Variants in SEMA3C observed in about 807,000 individuals in gnomAD.
SEMA3C encodes semaphorin 3C, also known as semaphorin-3C.
SEMA3C carries 47 observed loss-of-function variants against 89.4 expected under a neutral mutation model. That is an observed-to-expected ratio of 0.53 (90% CI 0.42 to 0.67). SEMA3C has a LOEUF of 0.67. SEMA3C is among the 30% of genes least tolerant of loss of function. The pLI, the probability that SEMA3C is intolerant of heterozygous loss-of-function variation, is 0.00. For missense variants in SEMA3C, 839 were observed against 929.1 expected, an observed-to-expected ratio of 0.90 and a Z score of 1.26; for synonymous variants, 310 against 320.2, an observed-to-expected ratio of 0.97 and a Z score of 0.34.
At chr7:80,870,857 G>A (rs1791040017) in intron 2 of SEMA3C, among the ~76,000 whole-genome samples, 1 of 152,170 alleles carries the variant, frequency 6.6e-6, no homozygotes, top group African/African-American at 2.4e-5. Context: ...CTGGCTAGGA[G>A]GGAGAAAGAA....
chr7:80,803,324 T>C (rs1789253060), intron 8 of SEMA3C, among the ~76,000 whole-genome samples: 1 of 152,174 alleles, frequency 6.6e-6, no homozygotes, highest in Non-Finnish European at 1.5e-5. Context: ...CATTCACAAA[T>C]AGTCTCCAGT....
chr7:80,782,948 T>C (rs914244012), intron 12 of SEMA3C, among the ~76,000 whole-genome samples: 3 of 152,076 alleles, frequency 2.0e-5, no homozygotes, highest in Admixed American at 6.6e-5. Context: ...TGTAAATATA[T>C]ATTTATTTGC....
Position 80,757,428 on chromosome 7 carries a change from G to A in SEMA3C, c.1643+903C>T, listed in dbSNP as rs533134454. On this transcript the variant is annotated intron_variant, in intron 15 of 17. Coordinates refer to ENST00000265361, the MANE Select transcript of SEMA3C (RefSeq NM_006379.5). ...ACCTAGAATTCTACTTGGATAAAAA[G>A]TACCCTGCCTCAGACTGACTTTCTT... Among the ~76,000 whole-genome samples, 12 of 152,240 alleles carry A rather than the reference G, an allele frequency of 7.9e-5. 1 individual carries two copies. In the Middle Eastern group the frequency reaches 0.027, roughly 345 times the overall value.
intron 2 of SEMA3C, among the ~76,000 whole-genome samples, chr7:80,873,309 T>C (rs1791116135): frequency 6.6e-6 from 1 of 152,220 alleles, no homozygotes; most frequent in South Asian, 2.1e-4. Context: ...CATAAACTAG[T>C]GGCCTGTGGT....
chr7:80,752,469 G>C (rs1273267024), intron 15 of SEMA3C, among the ~76,000 whole-genome samples: 2 of 151,906 alleles, frequency 1.3e-5, no homozygotes, highest in East Asian at 1.9e-4. Flanking sequence ...AATTAGCTGG[G>C]CATGGTGGTG....
At chr7:80,830,371 A>G (rs1041874802) in intron 2 of SEMA3C, among the ~76,000 whole-genome samples, 2 of 152,228 alleles carry the variant, frequency 1.3e-5, no homozygotes, top group Non-Finnish European at 2.9e-5. Context: ...GACAAGAGAT[A>G]GTATTCAATA....
chr7:80,861,875 T>A (rs1790780145), intron 2 of SEMA3C, among the ~76,000 whole-genome samples: 2 of 152,120 alleles, frequency 1.3e-5, no homozygotes, highest in South Asian at 4.1e-4. Flanking sequence ...AGAAAAAGCA[T>A]TTGACAAAAT....
chr7:80,775,815 A>C (rs1024581082), intron 12 of SEMA3C, among the ~76,000 whole-genome samples: 12 of 152,146 alleles, frequency 7.9e-5, no homozygotes, highest in Non-Finnish European at 1.8e-4. Context: ...TTTCCTATTC[A>C]AATACTTCTG....
chr7:80,805,857 G>A (rs1789328237), intron 6 of SEMA3C, 99 bp from the exon 7 acceptor site: 3 of 695,756 alleles, frequency 4.3e-6, no homozygotes, highest in Non-Finnish European at 6.7e-6. Flanking sequence ...GTATTACAGT[G>A]TTATGATAAT....
intron 11 of SEMA3C, among the ~76,000 whole-genome samples, chr7:80,792,385 G>A (rs183303188): frequency 4.2e-4 from 64 of 152,310 alleles, no homozygotes; most frequent in Middle Eastern, 3.4e-3. Context: ...ATAAAACACC[G>A]CTAATGATGG....
intron 2 of SEMA3C, among the ~76,000 whole-genome samples, chr7:80,879,756 T>C (rs1216618404): frequency 6.6e-6 from 1 of 152,218 alleles, no homozygotes; most frequent in Non-Finnish European, 1.5e-5. Context: ...ACTAAAGTTT[T>C]AGTGTAAAAC....
intron 2 of SEMA3C, among the ~76,000 whole-genome samples, chr7:80,852,895 G>A (rs1011077905): frequency 6.6e-6 from 1 of 151,990 alleles, no homozygotes; most frequent in African/African-American, 2.4e-5. Context: ...AGCCAGGATG[G>A]TCTCGATCTC....
chr7:80,778,016 T>G (rs2117086518), intron 12 of SEMA3C, among the ~76,000 whole-genome samples: 1 of 152,286 alleles, frequency 6.6e-6, no homozygotes, highest in Non-Finnish European at 1.5e-5. Context: ...AAAAAGTGTT[T>G]AATAAGTTTG....
chr7:80,797,996 T>C, intron 11 of SEMA3C, 96 bp downstream of exon 11: 1 of 1,258,922 alleles, frequency 7.9e-7, no homozygotes, highest in Non-Finnish European at 1.1e-6. Context: ...AGACTCCGTC[T>C]CAAAAAAAAA....
At chr7:80,895,086 A>C (rs1791701691) in intron 2 of SEMA3C, among the ~76,000 whole-genome samples, 1 of 152,172 alleles carries the variant, frequency 6.6e-6, no homozygotes, top group African/African-American at 2.4e-5. Context: ...ATTTATCCCC[A>C]CACACACGTG....
Position 80,806,818 on chromosome 7 carries a change from G to A in SEMA3C, c.539-1060C>T, listed in dbSNP as rs1214902515. On this transcript the variant is annotated intron_variant, in intron 6 of 17. Transcript: ENST00000265361. Reference sequence around the variant, plus strand: ...TTACTCCCTGGGCTACCTTCAGACCGTGGTCATTTTGGCAGGATTGGAACA... The same window carrying A: ...TTACTCCCTGGGCTACCTTCAGACCATGGTCATTTTGGCAGGATTGGAACA... Among the ~76,000 whole-genome samples, 6 of 152,206 alleles carry A rather than the reference G, an allele frequency of 3.9e-5. No individual in the cohort carries two copies. In the East Asian group the frequency reaches 5.8e-4, roughly 15 times the overall value.
chr7:80,798,239 AAAAAAG>A lies in SEMA3C; in HGVS notation c.987-9_987-4del, dbSNP rs757944757. ...CGGCTGATCCTTTGAAAACTGAGCT[AAAAAAG>A]AAAACAGAAAAAGGCATTTTCAAAT... On this transcript the variant is annotated splice_region_variant and splice_polypyrimidine_tract_variant and intron_variant, in intron 10 of 17. Coordinates refer to ENST00000265361, the MANE Select transcript of SEMA3C (RefSeq NM_006379.5). The A allele has an allele frequency of 2.0e-5, 28 of 1,427,198 alleles. No homozygotes were observed. The highest frequency in any genetic ancestry group is 2.3e-5 in the Non-Finnish European group (25 of 1,084,806). The allele number at this position is 1,427,198 out of a possible 1,614,324, so 88.4% of individuals were successfully genotyped here.
chr7:80,753,081 T>G (rs1309127278), intron 15 of SEMA3C, among the ~76,000 whole-genome samples: 1 of 152,218 alleles, frequency 6.6e-6, no homozygotes, highest in Admixed American at 6.5e-5. Flanking sequence ...CACAATGGAC[T>G]GTAGAAATCT....
At chr7:80,860,377 A>G (rs1790743299) in intron 2 of SEMA3C, among the ~76,000 whole-genome samples, 1 of 152,154 alleles carries the variant, frequency 6.6e-6, no homozygotes, top group Admixed American at 6.5e-5. Flanking sequence ...ACACATTACC[A>G]TGTCTATCAT....
Sources: allele counts gnomAD v4.1 joint callset (sites outside exome capture counted in the v4.1 genomes callset), GRCh38; gene constraint gnomAD v4.1.1; transcripts MANE v1.5; gene names NCBI Gene and HGNC (gene_info 2026-07-23, HGNC 2026-07-21).